Variants in PES1 observed in about 807,000 individuals in gnomAD.
PES1 encodes pescadillo homolog.
PES1 carries 31 observed loss-of-function variants against 77.1 expected under a neutral mutation model. The ratio of observed to expected loss-of-function variants is 0.40; its 90% CI spans 0.30 to 0.54. PES1 has a LOEUF of 0.54. Among genes scored for constraint, PES1 ranks in the 20% least tolerant of loss-of-function variants. The pLI, the probability that PES1 is intolerant of heterozygous loss-of-function variation, is 0.45. For synonymous variants in PES1, 282 were observed against 303.0 expected (o/e 0.93, Z 0.72); for missense variants, 658 against 771.7 (o/e 0.85, Z 1.75).
At chr22:30,585,125 G>A in intron 4 of PES1, 2 of 395,096 alleles carry the variant, frequency 5.1e-6, no homozygotes, top group Non-Finnish European at 1.0e-5. Context: ...AGCTGCCCTG[G>A]TGGAGCAGGG....
At chr22:30,595,171 C>T (rs1045125600), upstream of PES1, among the ~76,000 whole-genome samples, 2 of 152,054 alleles carry the variant, frequency 1.3e-5, no homozygotes, top group African/African-American at 4.8e-5. Flanking sequence ...ACAAAGTCCC[C>T]TTGCTCCTGA....
intron 2 of PES1, among the ~76,000 whole-genome samples, chr22:30,601,181 C>T (rs1336167643): frequency 2.0e-5 from 3 of 152,194 alleles, no homozygotes; most frequent in Non-Finnish European, 4.4e-5. Flanking sequence ...GGGAATTAGA[C>T]TCATCTCTTC....
exon 1 of PES1, chr22:30,607,013 T>A: frequency 1.7e-6 from 1 of 578,892 alleles, no homozygotes; most frequent in Non-Finnish European, 2.7e-6. Context: ...CCGGGCTCTT[T>A]AAGCAGGAAC....
intron 2 of PES1, 139 bp from the exon 3 acceptor site, chr22:30,588,313 G>T: frequency 1.1e-6 from 1 of 899,704 alleles, no homozygotes; most frequent in South Asian, 1.7e-5. Context: ...TAGTACATGA[G>T]TCTGACAGTC....
intron 12 of PES1, 130 bp from the exon 13 acceptor site, chr22:30,579,433 T>C (rs1029126703): frequency 2.4e-5 from 35 of 1,467,800 alleles, no homozygotes; most frequent in African/African-American, 1.8e-4. Flanking sequence ...GATGTCCCAA[T>C]TGTGGCCCTC....
rs869064352 is a variant in PES1 at position 30,597,877 on chromosome 22, G to GTTTTTTTTT, written c.-660-5480_-660-5479insAAAAAAAAA. 2.2e-5 allele frequency among the ~76,000 whole-genome samples: 2 copies of GTTTTTTTTT among 90,576 alleles called. 1 individual carries two copies. The highest frequency in any genetic ancestry group is 4.8e-5 in the Non-Finnish European group (2 of 41,608). The allele number at this position is 90,576 out of a possible 152,430, so 59.4% of individuals were successfully genotyped here. On this transcript the variant is annotated intron_variant, in intron 2 of 16. Transcript: ENST00000402281. ...TCGGTTTTTTTTCCACGCAGTTGAA[G>GTTTTTTTTT]TTTTGTTTTTTTTTTTTTTGTTTTG...
At chr22:30,597,783 C>A (rs1413558023) in intron 2 of PES1, among the ~76,000 whole-genome samples, 3 of 151,890 alleles carry the variant, frequency 2.0e-5, no homozygotes, top group Non-Finnish European at 4.4e-5. Context: ...ATGGACCAAT[C>A]AGCAGTATGT....
intron 7 of PES1, 26 bp downstream of exon 7, chr22:30,581,502 C>T (rs1188629539): frequency 3.1e-6 from 5 of 1,606,246 alleles, no homozygotes; most frequent in Non-Finnish European, 4.3e-6. Flanking sequence ...GCACGGCGAG[C>T]AGAAGGCACT....
chr22:30,597,764 C>T (rs1284623100), intron 2 of PES1, among the ~76,000 whole-genome samples: 1 of 151,920 alleles, frequency 6.6e-6, no homozygotes, highest in Non-Finnish European at 1.5e-5. Flanking sequence ...CCAATCCGTT[C>T]TCTGTAAAAT....
chr22:30,585,459 C>G, intron 4 of PES1: 1 of 373,320 alleles, frequency 2.7e-6, no homozygotes, highest in South Asian at 2.0e-5. Flanking sequence ...GAGCTGTGAC[C>G]CAGACTCTTC....
Position 30,587,296 on chromosome 22 carries a change from T to C in PES1, c.358A>G (p.Ile120Val). 1.2e-6 allele frequency: 2 copies of C among 1,610,400 alleles called. No individual in the cohort carries two copies. Among genetic ancestry groups the C allele is most frequent in the Non-Finnish European group, 1.7e-6 (2 of 1,176,980 alleles). ...GAAAGCCCGGCTCACCGTTCCTTGA[T>C]GATGTGGTCGAGTTTGTAGTTGGGC... ...NKPNYKLDHI[I>V]KERYPTFIDA... The change falls in exon 4 of 15, where the codon ATC (isoleucine) becomes GTC (valine). Residue 120 changes from isoleucine (I) to valine (V), a missense_variant. Ile to Val is a conservative substitution (Grantham distance 29). Transcript: ENST00000354694.
At chr22:30,604,449 A>AG (rs1222436889) in intron 2 of PES1, among the ~76,000 whole-genome samples, 1 of 152,110 alleles carries the variant, frequency 6.6e-6, no homozygotes, top group Non-Finnish European at 1.5e-5. Flanking sequence ...CCTGGCCAAC[A>AG]GGGTGAAACC....
At chr22:30,580,969 G>A (rs769503482) in intron 9 of PES1, 43 bp downstream of exon 9, 73 of 1,538,922 alleles carry the variant, frequency 4.7e-5, no homozygotes, top group East Asian at 1.1e-4. Flanking sequence ...CCCCCCACAC[G>A]ACCCCTCCCA....
chr22:30,587,459 G>A lies in PES1; in HGVS notation c.259-64C>T, dbSNP rs2087108816. The A allele has an allele frequency of 4.7e-6, 6 of 1,283,924 alleles. No individual in the cohort carries two copies. The East Asian group carries it at 1.2e-4, about 25-fold the overall frequency. 79.5% of individuals were successfully genotyped at this position (1,283,924 alleles called of 1,614,324 possible). A position where few individuals can be genotyped will look rare whatever the true frequency, so the allele number is the denominator to read the frequency against. On this transcript the variant is annotated intron_variant, in intron 3 of 14. Coordinates refer to ENST00000354694, the MANE Select transcript of PES1 (RefSeq NM_014303.4). ...AGGTCTCCTGGACAACTTCTTCCAT[G>A]GAAGATGGAAACGCAGGGCAGAAGG...
intron 11 of PES1, 35 bp downstream of exon 11, chr22:30,580,018 C>T (rs2086958720): frequency 1.2e-6 from 2 of 1,611,956 alleles, no homozygotes; most frequent in Non-Finnish European, 1.7e-6. Flanking sequence ...AGACAGGATA[C>T]CCAGAAATCC....
At chr22:30,577,671 T>G (rs5997690) in intron 14 of PES1, among the ~76,000 whole-genome samples, 63,823 of 151,380 alleles carry the variant, frequency 0.42, 14,227 homozygotes, top group Middle Eastern at 0.51. Context: ...TTTTTTTTTT[T>G]GGGGGGTAGA....
At chr22:30,583,027 T>G (rs931552425) in intron 6 of PES1, among the ~76,000 whole-genome samples, 4 of 151,850 alleles carry the variant, frequency 2.6e-5, no homozygotes, top group Non-Finnish European at 5.9e-5. Context: ...CTGGCTCCCT[T>G]CCCCCAGGGC....
intron 2 of PES1, among the ~76,000 whole-genome samples, chr22:30,599,158 A>G (rs990842255): frequency 7.2e-5 from 11 of 152,028 alleles, no homozygotes; most frequent in Non-Finnish European, 1.6e-4. Context: ...CAGCATCCCA[A>G]AGTGCTGGGA....
At chr22:30,588,278 C>T in intron 2 of PES1, 104 bp from the exon 3 acceptor site, 2 of 1,371,496 alleles carry the variant, frequency 1.5e-6, no homozygotes, top group Non-Finnish European at 2.0e-6. Context: ...AACATGGGGT[C>T]CCTGCCCTTA....
Sources: gnomAD v4.1 joint callset for allele counts (sites outside exome capture counted in the v4.1 genomes callset) on GRCh38, gnomAD v4.1.1 for gene constraint, MANE v1.5 for transcripts, NCBI Gene and HGNC (gene_info 2026-07-23, HGNC 2026-07-21) for gene names.